The following CCDC178 variants were observed in gnomAD, a reference collection of about 807,000 sequenced individuals.
CCDC178 encodes the protein coiled-coil domain containing 178.
In CCDC178, 126 loss-of-function variants were observed where a neutral mutation model predicts 117.4. The observed-to-expected ratio is 1.07, with a 90% CI of 0.93 to 1.24. The LOEUF is 1.24. Among genes scored for constraint, CCDC178 ranks in the 50% most tolerant of loss-of-function variants. The probability of loss-of-function intolerance (pLI) is 0.00; values close to 1 mark genes in which losing one functional copy is unlikely to be tolerated. For missense variants in CCDC178, 1,030 were observed against 986.9 expected, an observed-to-expected ratio of 1.04 and a Z score of -0.59; for synonymous variants, 283 against 313.4, an observed-to-expected ratio of 0.90 and a Z score of 1.02.
rs368987375 is a variant in CCDC178, at chr18:33,048,531, T to C, written c.2388+44230A>G. On this transcript the variant is annotated intron_variant, in intron 21 of 22. Transcript: ENST00000383096. ...TGATATAAAATATTTATAAAGCAAA[T>C]AGCAATTTTACAACTTACTTGCTTC... Among the ~76,000 whole-genome samples the C allele has an allele frequency of 2.2e-4, 34 of 152,286 alleles. 1 individual carries two copies. In the East Asian group the frequency reaches 4.8e-3, roughly 22 times the overall value.
chr18:33,019,170 TGTAA>T (rs1477662748), intron 21 of CCDC178, among the ~76,000 whole-genome samples: 3 of 152,194 alleles, frequency 2.0e-5, no homozygotes, highest in Non-Finnish European at 2.9e-5. Context: ...AAATCGGCAC[TGTAA>T]GTATTTTTGA....
At chr18:32,949,589 C>T (rs977009013) in intron 22 of CCDC178, among the ~76,000 whole-genome samples, 2 of 152,002 alleles carry the variant, frequency 1.3e-5, no homozygotes, top group Admixed American at 6.6e-5. Context: ...CAATTGGGTC[C>T]TTTTTATATC....
At chr18:33,272,661 C>T (rs907215161) in intron 12 of CCDC178, among the ~76,000 whole-genome samples, 3 of 151,370 alleles carry the variant, frequency 2.0e-5, no homozygotes, top group East Asian at 1.9e-4. Context: ...AAAATAGTTG[C>T]GGAATCCATA....
At chr18:33,218,968 G>GT in intron 18 of CCDC178, among the ~76,000 whole-genome samples, 1 of 152,236 alleles carries the variant, frequency 6.6e-6, no homozygotes, top group South Asian at 2.1e-4. Flanking sequence ...CTTTAAAGTA[G>GT]TTTTTTCCAA....
intron 20 of CCDC178, among the ~76,000 whole-genome samples, chr18:33,192,760 G>T (rs533476678): frequency 1.3e-5 from 2 of 151,912 alleles, no homozygotes; most frequent in African/African-American, 4.8e-5. Flanking sequence ...AATTAGCCGG[G>T]CATGGTGGCG....
At chr18:33,321,076 T>C (rs975688764) in intron 11 of CCDC178, among the ~76,000 whole-genome samples, 12 of 152,194 alleles carry the variant, frequency 7.9e-5, no homozygotes, top group African/African-American at 2.9e-4. Context: ...TTACACCTTA[T>C]ACAAAAATTA....
chr18:33,374,350 T>C lies in CCDC178; in HGVS notation c.209-4161A>G, dbSNP rs118059366. ...CTTGGACTCTTCACAAAAGACAATA[T>C]ACAAATGACTATTGCAATGTGAAAA... On this transcript the variant is annotated intron_variant, in intron 5 of 22. Transcript: ENST00000383096. 4.6e-5 allele frequency among the ~76,000 whole-genome samples: 7 copies of C among 152,228 alleles called. No individual in the cohort carries two copies. In the East Asian group the frequency reaches 1.4e-3, roughly 29 times the overall value.
At chr18:33,326,732 T>C (rs2062589533) in intron 10 of CCDC178, among the ~76,000 whole-genome samples, 1 of 151,952 alleles carries the variant, frequency 6.6e-6, no homozygotes, top group South Asian at 2.1e-4. Context: ...CTAACTTATA[T>C]TGCATACCTT....
At chr18:33,068,088 G>A (rs1370669454) in intron 21 of CCDC178, among the ~76,000 whole-genome samples, 2 of 151,832 alleles carry the variant, frequency 1.3e-5, no homozygotes, top group East Asian at 1.9e-4. Flanking sequence ...ATGAATTCCT[G>A]GACACATTCA....
At position 33,215,528 on chromosome 18, in the gene CCDC178, T is replaced by C. The variant is rs2059154409; in HGVS notation, c.2078+22A>G. On this transcript the variant is annotated intron_variant, in intron 19 of 22. Transcript: ENST00000383096. The stretch of plus-strand genomic sequence containing the variant: ...TAATATTTTTTAAAAACTTCATATT[T>C]TGATAAAGTTTAAGTACTTACTTTA... The C allele has an allele frequency of 4.3e-6, 5 of 1,174,400 alleles. No individual in the cohort carries two copies. In the Admixed American group the frequency reaches 1.9e-4, roughly 44 times the overall value. 72.7% of individuals were successfully genotyped at this position (1,174,400 alleles called of 1,614,324 possible). A position where few individuals can be genotyped will look rare whatever the true frequency, so the allele number is the denominator to read the frequency against.
At chr18:33,280,917 C>T (rs1326571164) in intron 12 of CCDC178, among the ~76,000 whole-genome samples, 1 of 151,986 alleles carries the variant, frequency 6.6e-6, no homozygotes, top group Non-Finnish European at 1.5e-5. Flanking sequence ...AACACATGGA[C>T]ACAGGAAGGG....
At chr18:33,436,237 A>G (rs953299057) in intron 2 of CCDC178, among the ~76,000 whole-genome samples, 7 of 152,196 alleles carry the variant, frequency 4.6e-5, no homozygotes, top group Non-Finnish European at 8.8e-5. Flanking sequence ...GACTAGAAAA[A>G]ATACAAACAT....
At chr18:33,409,238 T>A (rs1177399530) in intron 3 of CCDC178, among the ~76,000 whole-genome samples, 3 of 152,014 alleles carry the variant, frequency 2.0e-5, no homozygotes, top group Admixed American at 6.6e-5. Context: ...GCATATACCA[T>A]CAGGCCTGGC....
At chr18:33,099,476 T>C (rs569406350) in intron 20 of CCDC178, among the ~76,000 whole-genome samples, 11 of 152,116 alleles carry the variant, frequency 7.2e-5, no homozygotes, top group African/African-American at 2.6e-4. Flanking sequence ...GGGATATATT[T>C]TAGAATAAAC....
At chr18:33,317,688 A>C (rs2062439423) in intron 11 of CCDC178, among the ~76,000 whole-genome samples, 1 of 152,068 alleles carries the variant, frequency 6.6e-6, no homozygotes, top group South Asian at 2.1e-4. Context: ...ACAGACTTTT[A>C]CTCCTCAGCA....
intron 3 of CCDC178, among the ~76,000 whole-genome samples, chr18:33,399,101 G>C (rs760390618): frequency 2.6e-5 from 4 of 152,010 alleles, no homozygotes; most frequent in Non-Finnish European, 5.9e-5. Flanking sequence ...ACGGGAGGCT[G>C]AGACAAGACA....
chr18:33,356,694 A>T lies in CCDC178; in HGVS notation c.349-348T>A, dbSNP rs76524923. On this transcript the variant is annotated intron_variant, in intron 6 of 22. Coordinates refer to ENST00000383096, the MANE Select transcript of CCDC178 (RefSeq NM_001105528.4). ...TTAAAACAGAAATCTTAAGATAAAC[A>T]AAAAAGACTCTTTGTAGCAATAATA... Among the ~76,000 whole-genome samples the T allele has an allele frequency of 4.5e-4, 69 of 152,294 alleles. 1 individual carries two copies. In the East Asian group the frequency reaches 0.012, roughly 27 times the overall value.
At chr18:33,222,746 TTTC>T (rs1426423851) in intron 18 of CCDC178, among the ~76,000 whole-genome samples, 8 of 152,272 alleles carry the variant, frequency 5.3e-5, no homozygotes, top group African/African-American at 1.7e-4. Context: ...TTCCTTTTTA[TTTC>T]TTTTCTTCTT....
intron 3 of CCDC178, among the ~76,000 whole-genome samples, chr18:33,402,511 C>G (rs186404306): frequency 2.5e-4 from 38 of 152,110 alleles, no homozygotes; most frequent in Admixed American, 3.9e-4. Flanking sequence ...TTAGAAATAC[C>G]TGGTTATTCC....
Sources: allele counts gnomAD v4.1 joint callset (sites outside exome capture counted in the v4.1 genomes callset), GRCh38; gene constraint gnomAD v4.1.1; transcripts MANE v1.5; gene names NCBI Gene and HGNC (gene_info 2026-07-23, HGNC 2026-07-21).